The following SLC35F1 variants were observed in gnomAD, a reference collection of about 807,000 sequenced individuals.
The protein encoded by SLC35F1 is solute carrier family 35 member F1.
A neutral mutation model predicts 48.7 loss-of-function variants in SLC35F1; 14 were observed. The ratio of observed to expected loss-of-function variants is 0.29; its 90% CI spans 0.19 to 0.45. The LOEUF (loss-of-function observed/expected upper bound fraction) is 0.45, where lower values mean the gene tolerates loss of function less well. Ranked by LOEUF, SLC35F1 falls within the 20% of genes least tolerant of loss-of-function variation. The probability of loss-of-function intolerance (pLI) is 1.00; values close to 1 mark genes in which losing one functional copy is unlikely to be tolerated. For missense variants in SLC35F1, 404 were observed against 500.0 expected (o/e 0.81, Z 1.83); for synonymous variants, 190 against 202.2 (o/e 0.94, Z 0.51).
rs374805518 is a variant in SLC35F1 at position 118,131,433 on chromosome 6, G to A, written c.174-23012G>A. Among the ~76,000 whole-genome samples, 54 of 152,210 alleles carry A rather than the reference G, an allele frequency of 3.5e-4. 1 individual carries two copies. The South Asian group carries it at 8.1e-3, about 23-fold the overall frequency. ...TCAAGTTGATGCACTATAACTTAAT[G>A]AGCCATTAAGTTATAATAACATTTA... On this transcript the variant is annotated intron_variant, in intron 1 of 7. Coordinates refer to ENST00000360388, the MANE Select transcript of SLC35F1 (RefSeq NM_001029858.4).
intron 1 of SLC35F1, among the ~76,000 whole-genome samples, chr6:118,014,844 C>A (rs1777297674): frequency 6.6e-6 from 1 of 152,192 alleles, no homozygotes; most frequent in South Asian, 2.1e-4. Context: ...AGGCAATAGC[C>A]ATCCTCTGAG....
intron 1 of SLC35F1, among the ~76,000 whole-genome samples, chr6:117,930,354 C>T (rs1481891977): frequency 6.6e-6 from 1 of 152,118 alleles, no homozygotes; most frequent in African/African-American, 2.4e-5. Context: ...GAAGGCAGGA[C>T]TCATATCTTT....
rs35597650 is a variant in SLC35F1, at chr6:117,917,339, AGAG to A, written c.173+9444_173+9446del. Among the ~76,000 whole-genome samples, 603 of 152,162 alleles carry A rather than the reference AGAG, an allele frequency of 4.0e-3. 2 individuals are homozygous for A. Among genetic ancestry groups the A allele is most frequent in the African/African-American group, 0.014 (585 of 41,502 alleles). ...GGGGAACAAGTGGAAGATTTTAAGC[AGAG>A]GAGTTGTCTGGCTAATGTTTTGAAA... On this transcript the variant is annotated intron_variant, in intron 1 of 7. Coordinates refer to ENST00000360388, the MANE Select transcript of SLC35F1 (RefSeq NM_001029858.4).
intron 3 of SLC35F1, among the ~76,000 whole-genome samples, chr6:118,240,699 G>A (rs1348922395): frequency 6.6e-6 from 1 of 152,214 alleles, no homozygotes; most frequent in East Asian, 1.9e-4. Flanking sequence ...TGGAAGGTTG[G>A]GAAAGATTTT....
intron 4 of SLC35F1, among the ~76,000 whole-genome samples, chr6:118,272,561 A>G (rs1376166383): frequency 6.6e-6 from 1 of 152,004 alleles, no homozygotes; most frequent in Non-Finnish European, 1.5e-5. Flanking sequence ...ATATGTTATA[A>G]TTTCCAGTTA....
At chr6:118,225,553 G>C (rs1775204364) in intron 2 of SLC35F1, among the ~76,000 whole-genome samples, 1 of 152,156 alleles carries the variant, frequency 6.6e-6, no homozygotes, top group Non-Finnish European at 1.5e-5. Context: ...AGAAAACATT[G>C]GGGAAATATT....
intron 1 of SLC35F1, among the ~76,000 whole-genome samples, chr6:118,060,198 G>A (rs1772518388): frequency 6.6e-6 from 1 of 152,096 alleles, no homozygotes; most frequent in African/African-American, 2.4e-5. Flanking sequence ...GGCTTATTGT[G>A]AGGACTAATA....
chr6:117,932,327 A>G (rs1488991275), intron 1 of SLC35F1, among the ~76,000 whole-genome samples: 1 of 152,184 alleles, frequency 6.6e-6, no homozygotes, highest in African/African-American at 2.4e-5. Flanking sequence ...ATACATTTCA[A>G]TTTTTTTGAC....
At chr6:118,177,690 A>G (rs192501430) in intron 2 of SLC35F1, among the ~76,000 whole-genome samples, 1 of 152,170 alleles carries the variant, frequency 6.6e-6, no homozygotes, top group Admixed American at 6.6e-5. Context: ...TTTTGTTTTA[A>G]AAAAACAGTC....
chr6:118,196,593 A>G (rs1774803638), intron 2 of SLC35F1, among the ~76,000 whole-genome samples: 1 of 151,938 alleles, frequency 6.6e-6, no homozygotes, highest in Admixed American at 6.6e-5. Flanking sequence ...GCAGACACCT[A>G]TAATCCTAGC....
chr6:118,260,555 C>A (rs1197917502), intron 3 of SLC35F1, among the ~76,000 whole-genome samples: 1 of 151,988 alleles, frequency 6.6e-6, no homozygotes, highest in Non-Finnish European at 1.5e-5. Flanking sequence ...CAAAGCCTGG[C>A]TATGCCCATA....
chr6:118,207,052 T>C (rs948263033), intron 2 of SLC35F1, among the ~76,000 whole-genome samples: 1 of 152,156 alleles, frequency 6.6e-6, no homozygotes, highest in African/African-American at 2.4e-5. Context: ...AATGTCTCAA[T>C]TGAGAAAATC....
At chr6:118,288,345 C>G (rs1776076641) in intron 7 of SLC35F1, among the ~76,000 whole-genome samples, 1 of 152,134 alleles carries the variant, frequency 6.6e-6, no homozygotes, top group Non-Finnish European at 1.5e-5. Flanking sequence ...GGTTGGGGAA[C>G]AGCTTGCTTT....
chr6:118,171,875 A>G (rs1443092276), intron 2 of SLC35F1, among the ~76,000 whole-genome samples: 1 of 152,088 alleles, frequency 6.6e-6, no homozygotes, highest in Non-Finnish European at 1.5e-5. Context: ...TCATCTTCTC[A>G]TGAATTAGTG....
At chr6:118,110,277 T>G (rs1430307548) in intron 1 of SLC35F1, among the ~76,000 whole-genome samples, 5 of 151,978 alleles carry the variant, frequency 3.3e-5, no homozygotes, top group Non-Finnish European at 7.4e-5. Flanking sequence ...AATGCTGCCC[T>G]GAAAAATGGA....
intron 1 of SLC35F1, among the ~76,000 whole-genome samples, chr6:117,941,279 T>C (rs1012852621): frequency 6.6e-6 from 1 of 152,228 alleles, no homozygotes; most frequent in African/African-American, 2.4e-5. Context: ...TTTTTAGTTT[T>C]TTTGGGTTAG....
At chr6:118,186,213 T>A (rs1774654690) in intron 2 of SLC35F1, among the ~76,000 whole-genome samples, 1 of 151,964 alleles carries the variant, frequency 6.6e-6, no homozygotes, top group Admixed American at 6.6e-5. Context: ...GTGTCTAATA[T>A]CAGTCAGTCT....
At chr6:118,020,792 G>T (rs572727046) in intron 1 of SLC35F1, among the ~76,000 whole-genome samples, 1 of 152,280 alleles carries the variant, frequency 6.6e-6, no homozygotes, top group South Asian at 2.1e-4. Flanking sequence ...CCCAAGGATG[G>T]ATTAGAGAGA....
intron 2 of SLC35F1, among the ~76,000 whole-genome samples, chr6:118,174,486 G>T (rs1774456923): frequency 6.6e-6 from 1 of 152,036 alleles, no homozygotes; most frequent in Admixed American, 6.6e-5. Flanking sequence ...TAGGCACAAG[G>T]TATCCAGTTA....
Sources: gnomAD v4.1 joint callset for allele counts (sites outside exome capture counted in the v4.1 genomes callset) on GRCh38, gnomAD v4.1.1 for gene constraint, MANE v1.5 for transcripts, NCBI Gene and HGNC (gene_info 2026-07-23, HGNC 2026-07-21) for gene names.